The following KIF21B variants were observed in gnomAD, a reference collection of about 807,000 sequenced individuals.
KIF21B encodes the protein kinesin family member 21B.
KIF21B carries 85 observed loss-of-function variants against 192.9 expected under a neutral mutation model. The ratio of observed to expected loss-of-function variants is 0.44; its 90% CI spans 0.37 to 0.53. The LOEUF (loss-of-function observed/expected upper bound fraction) is 0.53, where lower values mean the gene tolerates loss of function less well. KIF21B is among the 20% of genes least tolerant of loss of function. The pLI is 0.00. For synonymous variants in KIF21B, 832 were observed against 884.6 expected, an observed-to-expected ratio of 0.94 and a Z score of 1.05; for missense variants, 1,716 against 2,194.8, an observed-to-expected ratio of 0.78 and a Z score of 4.36.
Position 200,999,596 on chromosome 1 carries a change from C to T in KIF21B, c.1768-130G>A, listed in dbSNP as rs1216381275. On this transcript the variant is annotated intron_variant, in intron 12 of 34. Coordinates refer to ENST00000461742, the MANE Select transcript of KIF21B (RefSeq NM_001252102.2). The surrounding 1 kb of genome is among the most constrained non-coding windows in gnomAD (Gnocchi z 4.7). ...TTGGGGCAGGCCACAGCTGAGCCCC[C>T]CTGCCCACCCCCTACTCCTGGAAGA... 1 of 1,477,020 alleles carries T rather than the reference C, an allele frequency of 6.8e-7. No individual in the cohort carries two copies. The highest frequency in any genetic ancestry group is 9.1e-7 in the Non-Finnish European group (1 of 1,099,778). 91.5% of individuals were successfully genotyped at this position (1,477,020 alleles called of 1,614,324 possible).
chr1:200,986,614 T>G (rs1656321011), intron 26 of KIF21B, among the ~76,000 whole-genome samples: 1 of 152,192 alleles, frequency 6.6e-6, no homozygotes, highest in Non-Finnish European at 1.5e-5. Flanking sequence ...CATCTCAGCC[T>G]CCCAAAGTGC....
At chr1:201,001,979 G>A in intron 9 of KIF21B, 182 bp downstream of exon 9, 2 of 601,460 alleles carry the variant, frequency 3.3e-6, no homozygotes, top group Non-Finnish European at 5.9e-6. Context: ...CAAGAAGGAT[G>A]TGTTCATGTA....
In KIF21B at chr1:200,987,024, C is replaced by T. The variant is rs201349051; in HGVS notation, c.3586G>A (p.Val1196Ile). The change falls in exon 25 of 35, where the codon GTC (valine) becomes ATC (isoleucine). Residue 1196 changes from valine (V) to isoleucine (I), a missense_variant. By Grantham distance (29) the Val-to-Ile change is conservative. Transcript: ENST00000461742. ...PYYRDRVSRT[V>I]SLPTRGSTFP... ...GTGCTGCCCCGGGTAGGCAGACTGA[C>T]GGTGCGCGAGACCCTGTCCCGGTAA... The T allele has an allele frequency of 3.0e-5, 49 of 1,614,084 alleles. No homozygotes were observed. The Admixed American group carries it at 4.2e-4, about 14-fold the overall frequency.
intron 1 of KIF21B, among the ~76,000 whole-genome samples, chr1:201,022,897 G>T (rs1054816826): frequency 2.6e-5 from 4 of 152,196 alleles, no homozygotes. Flanking sequence ...TCCCAGGGTG[G>T]GTGTGCTGCC....
intron 1 of KIF21B, among the ~76,000 whole-genome samples, chr1:201,012,101 C>T (rs1423031794): frequency 1.3e-5 from 2 of 152,174 alleles, no homozygotes; most frequent in African/African-American, 4.8e-5. Flanking sequence ...GTTGCGTGGT[C>T]AGTTGGGCAT....
chr1:200,980,203 C>T (rs1455839544), intron 29 of KIF21B, among the ~76,000 whole-genome samples: 3 of 152,188 alleles, frequency 2.0e-5, no homozygotes, highest in East Asian at 1.9e-4. Flanking sequence ...GTGTCTATTA[C>T]AGACTAGTTC....
At chr1:201,022,883 T>C (rs1418199852) in intron 1 of KIF21B, among the ~76,000 whole-genome samples, 1 of 152,240 alleles carries the variant, frequency 6.6e-6, no homozygotes, top group African/African-American at 2.4e-5. Flanking sequence ...TCTGCAGATC[T>C]GGCTCCCAGG....
rs1255183978 is a variant in KIF21B at position 200,999,870 on chromosome 1, C to A, written c.1767+13G>T. On this transcript the variant is annotated intron_variant, in intron 12 of 34. Coordinates refer to ENST00000461742, the MANE Select transcript of KIF21B (RefSeq NM_001252102.2). The surrounding 1 kb of genome is among the most constrained non-coding windows in gnomAD (Gnocchi z 4.7). ...CATGCATGTGGTGAGGTGGGGCGGC[C>A]CGTGCTCCTCACCTCCTCCGCCTCG... The A allele has an allele frequency of 6.2e-7, 1 of 1,613,026 alleles. No homozygotes were observed. The highest frequency in any genetic ancestry group is 1.3e-5 in the African/African-American group (1 of 74,930).
chr1:201,002,511 G>GC (rs1346732393), intron 8 of KIF21B, 161 bp from the exon 9 acceptor site: 4 of 624,732 alleles, frequency 6.4e-6, no homozygotes, highest in Non-Finnish European at 1.1e-5. Flanking sequence ...ACAGCTACTG[G>GC]CCCCCAGTGA....
At position 200,996,214 on chromosome 1, in the gene KIF21B, A is replaced by T; in HGVS notation, c.2259T>A (p.Ala753=). ...RELKKLQAEV[A]EMKKAKVALM... ...CCCCTACCTTGGCCTTCTTCATCTC[A>T]GCCACCTCGGCCTGTAGCTTCTTCA... Residue 753 remains alanine, a synonymous_variant, in exon 15 of 35, where the codon GCT becomes GCA. Transcript: ENST00000461742. The T allele has an allele frequency of 6.2e-7, 1 of 1,613,292 alleles. No homozygotes were observed. Among genetic ancestry groups the T allele is most frequent in the Middle Eastern group, 1.9e-4 (1 of 5,350 alleles).
Position 201,000,489 on chromosome 1 carries a change from C to G in KIF21B, c.1586G>C (p.Ser529Thr), listed in dbSNP as rs757244028. 9 of 1,607,890 alleles carry G rather than the reference C, an allele frequency of 5.6e-6. No individual in the cohort carries two copies. Among genetic ancestry groups the G allele is most frequent in the Non-Finnish European group, 5.1e-6 (6 of 1,176,520 alleles). ...ASPAAPAFGG[S>T]PASSMEDASE... ...GGCATCCTCCATGGAGCTGGCAGGG[C>G]TGCCCCCGAAGGCCGGGGCGGCTGG... Residue 529 changes from serine (S) to threonine (T), a missense_variant, in exon 11 of 35, where the codon AGC (serine) becomes ACC (threonine). By Grantham distance (58) the Ser-to-Thr change is moderately conservative. Transcript: ENST00000461742. This position sits in a 1 kb window ranked among gnomAD's most constrained non-coding sequence, Gnocchi z 6.0.
Position 201,000,536 on chromosome 1 carries a change from G to T in KIF21B, c.1539C>A (p.Ser513Arg), listed in dbSNP as rs906732901. 8 of 1,612,956 alleles carry T rather than the reference G, an allele frequency of 5.0e-6. No individual in the cohort carries two copies. The highest frequency in any genetic ancestry group is 5.9e-6 in the Non-Finnish European group (7 of 1,179,450). ...RRSLSRASAR[S>R]PYSLGASPAA... ...CTGGAGAAGCACCCAGGGAGTAGGG[G>T]CTCCTAGCCGAGGCCCGTGAGAGGC... Residue 513 changes from serine (S) to arginine (R), a missense_variant, in exon 11 of 35, where the codon AGC becomes AGA. Ser to Arg is a moderately radical substitution (Grantham distance 110, BLOSUM62 -1). This residue lies in a region of KIF21B where 1,087 missense variants were observed against 1,316.6 expected (regional missense o/e 0.83). Coordinates refer to ENST00000461742, the MANE Select transcript of KIF21B (RefSeq NM_001252102.2). This position sits in a 1 kb window ranked among gnomAD's most constrained non-coding sequence, Gnocchi z 6.0.
chr1:201,016,328 T>C (rs1036828293), intron 1 of KIF21B, among the ~76,000 whole-genome samples: 1 of 152,246 alleles, frequency 6.6e-6, no homozygotes, highest in African/African-American at 2.4e-5. Context: ...GCGTTTTCCC[T>C]GTCTCATGCT....
At position 201,003,583 on chromosome 1, in the gene KIF21B, C is replaced by T. The variant is rs774665543; in HGVS notation, c.1212+3G>A. 3 of 1,613,304 alleles carry T rather than the reference C, an allele frequency of 1.9e-6. No individual in the cohort carries two copies. The highest frequency in any genetic ancestry group is 2.5e-6 in the Non-Finnish European group (3 of 1,179,946). The stretch of plus-strand genomic sequence containing the variant: ...GCTGGGCAATGCCCAGGAGCATGCT[C>T]ACCGCCTTATACTCCATCAGCTCCA... On this transcript the variant is annotated splice_donor_region_variant and intron_variant, in intron 8 of 34. Coordinates refer to ENST00000461742, the MANE Select transcript of KIF21B (RefSeq NM_001252102.2).
At chr1:201,008,109 G>A (rs1658018703) in intron 3 of KIF21B, among the ~76,000 whole-genome samples, 1 of 152,166 alleles carries the variant, frequency 6.6e-6, no homozygotes, top group South Asian at 2.1e-4. Flanking sequence ...AGAGCAGCAG[G>A]GTTTATGGGA....
rs373553632 is a variant in KIF21B at position 200,990,607 on chromosome 1, T to C, written c.2804A>G (p.Asn935Ser). The C allele has an allele frequency of 2.1e-5, 34 of 1,613,994 alleles. No individual in the cohort carries two copies. Among genetic ancestry groups the C allele is most frequent in the Non-Finnish European group, 2.9e-5 (34 of 1,180,016 alleles). The change falls in exon 19 of 35, where the codon AAC becomes AGC. Residue 935 changes from asparagine (N) to serine (S), a missense_variant. By Grantham distance (46) the Asn-to-Ser change is conservative. Transcript: ENST00000461742. This position sits in a 1 kb window ranked among gnomAD's most constrained non-coding sequence, Gnocchi z 5.4. ...DIVMQRMTIV[N>S]LEADMERLIK... ...GAGCCGCTCCATGTCAGCCTCCAGG[T>C]TGACAATGGTCATTCTCTGCATGAC... is the stretch of plus-strand genomic sequence containing the variant.
At position 200,998,854 on chromosome 1, in the gene KIF21B, C is replaced by T. The variant is rs12069891; in HGVS notation, c.1886-279G>A. Among the ~76,000 whole-genome samples the T allele has an allele frequency of 0.042, 6,380 of 152,252 alleles. 275 individuals are homozygous for T. The highest frequency in any genetic ancestry group is 0.1 in the African/African-American group (4,212 of 41,540). On this transcript the variant is annotated intron_variant, in intron 13 of 34. Coordinates refer to ENST00000461742, the MANE Select transcript of KIF21B (RefSeq NM_001252102.2). The surrounding 1 kb of genome is among the most constrained non-coding windows in gnomAD (Gnocchi z 4.3). Reference sequence around the variant, plus strand: ...ATTCGAGGCCAGCATCCACCTGTTCCAGATGACATGGGACCAGCTTCAGTG... The same window carrying T: ...ATTCGAGGCCAGCATCCACCTGTTCTAGATGACATGGGACCAGCTTCAGTG...
intron 1 of KIF21B, 43 bp from the exon 2 acceptor site, chr1:201,009,531 G>A (rs1405267294): frequency 6.4e-7 from 1 of 1,572,634 alleles, no homozygotes; most frequent in African/African-American, 1.3e-5. Flanking sequence ...CCAGCTAGAA[G>A]GGGGCTGCCA....
At chr1:201,010,612 C>T (rs1658176578) in intron 1 of KIF21B, among the ~76,000 whole-genome samples, 2 of 152,182 alleles carry the variant, frequency 1.3e-5, no homozygotes, top group South Asian at 4.1e-4. Flanking sequence ...CACAAGCCAG[C>T]CCATCAGCAG....
Sources: allele counts gnomAD v4.1 joint callset (sites outside exome capture counted in the v4.1 genomes callset), GRCh38; gene constraint gnomAD v4.1.1; regional missense constraint gnomAD v4.1.1; non-coding constraint Gnocchi (gnomAD v3.1); transcripts MANE v1.5; gene names NCBI Gene and HGNC (gene_info 2026-07-23, HGNC 2026-07-21).